Variants in PDZRN4 observed in about 807,000 individuals in gnomAD.
PDZRN4 encodes PDZ domain-containing RING finger protein 4.
Under a neutral mutation model 99.0 loss-of-function variants are expected in PDZRN4, and 70 were observed. The ratio of observed to expected loss-of-function variants is 0.71; its 90% CI spans 0.58 to 0.86. The LOEUF is 0.86. Among genes scored for constraint, PDZRN4 ranks in the 40% least tolerant of loss-of-function variants. The pLI is 0.00. For missense variants in PDZRN4, 1,474 were observed against 1,331.2 expected (o/e 1.11, Z -1.67); for synonymous variants, 551 against 501.6 (o/e 1.10, Z -1.32).
intron 3 of PDZRN4, among the ~76,000 whole-genome samples, chr12:41,410,244 G>A (rs12318761): frequency 0.035 from 5,379 of 152,112 alleles, 133 homozygotes; most frequent in African/African-American, 0.074. Context: ...GTCATGTCTC[G>A]CCTTCTTTAG....
chr12:41,335,931 A>G (rs1366688461), intron 3 of PDZRN4, among the ~76,000 whole-genome samples: 1 of 152,126 alleles, frequency 6.6e-6, no homozygotes, highest in African/African-American at 2.4e-5. Context: ...CTAAAATGAG[A>G]GTTTCTTTAA....
chr12:41,572,527 A>G lies in PDZRN4; in HGVS notation c.1748A>G (p.Lys583Arg). 1 of 1,614,112 alleles carries G rather than the reference A, an allele frequency of 6.2e-7. No homozygotes were observed. The highest frequency in any genetic ancestry group is 8.5e-7 in the Non-Finnish European group (1 of 1,180,020). The change falls in exon 10 of 10, where the codon AAG becomes AGG. Residue 583 changes from lysine (K) to arginine (R), a missense_variant. Coordinates refer to ENST00000402685, the MANE Select transcript of PDZRN4 (RefSeq NM_001164595.2). ...AAEDPNSTSL[K>R]SKRDLGQSQD... is the part of the protein sequence containing the mutation. The stretch of plus-strand genomic sequence containing the variant: ...GAGGACCCCAATAGCACATCTTTGA[A>G]GAGCAAGAGAGACCTGGGGCAGAGC...
intron 3 of PDZRN4, among the ~76,000 whole-genome samples, chr12:41,353,502 G>A (rs144570890): frequency 2.0e-5 from 3 of 152,086 alleles, no homozygotes; most frequent in Non-Finnish European, 4.4e-5. Flanking sequence ...TAGATGACTT[G>A]TCTGGGAACT....
intron 3 of PDZRN4, among the ~76,000 whole-genome samples, chr12:41,493,505 C>T (rs1318618492): frequency 6.6e-6 from 1 of 151,986 alleles, no homozygotes; most frequent in Non-Finnish European, 1.5e-5. Flanking sequence ...CACTTTTTTG[C>T]CCTGTCTTGT....
chr12:41,539,228 A>G (rs962919118), intron 5 of PDZRN4, among the ~76,000 whole-genome samples: 4 of 151,996 alleles, frequency 2.6e-5, no homozygotes, highest in Admixed American at 6.6e-5. Context: ...TTTAAAATGC[A>G]TATCTTCCTG....
intron 9 of PDZRN4, among the ~76,000 whole-genome samples, chr12:41,569,103 ATTC>A (rs1939430356): frequency 6.9e-6 from 1 of 145,262 alleles, no homozygotes; most frequent in Non-Finnish European, 1.5e-5. Flanking sequence ...TGCCCTGTCT[ATTC>A]TTATTATTAT....
chr12:41,232,054 T>C (rs181525653), intron 3 of PDZRN4, among the ~76,000 whole-genome samples: 1 of 151,380 alleles, frequency 6.6e-6, no homozygotes, highest in African/African-American at 2.4e-5. Flanking sequence ...TATAAAAAAA[T>C]TTTTTTTGAC....
In PDZRN4 at chr12:41,189,138, C is replaced by T. The variant is rs1244062369; in HGVS notation, c.648+35C>T. 7.7e-6 allele frequency: 12 copies of T among 1,557,748 alleles called. 1 individual carries two copies. The East Asian group carries it at 2.3e-4, about 30-fold the overall frequency. On this transcript the variant is annotated intron_variant, in intron 1 of 9. Transcript: ENST00000402685. Reference sequence around the variant, plus strand: ...GGGGGGTGGGCACCGCGGGCATGGTCGATTGGGGTGGGAAAAGGAGCGGTT... The same window carrying T: ...GGGGGGTGGGCACCGCGGGCATGGTTGATTGGGGTGGGAAAAGGAGCGGTT...
chr12:41,316,676 T>A (rs1951640488), intron 3 of PDZRN4, among the ~76,000 whole-genome samples: 4 of 152,082 alleles, frequency 2.6e-5, no homozygotes, highest in South Asian at 4.1e-4. Context: ...AGATCACTTA[T>A]AGTCTAGCTT....
intron 3 of PDZRN4, among the ~76,000 whole-genome samples, chr12:41,493,011 G>T (rs751982297): frequency 6.6e-6 from 1 of 152,092 alleles, no homozygotes; most frequent in Non-Finnish European, 1.5e-5. Flanking sequence ...ACAGCCAAAG[G>T]CTGCTTTGAT....
At chr12:41,400,142 A>G (rs1952279783) in intron 3 of PDZRN4, among the ~76,000 whole-genome samples, 1 of 152,172 alleles carries the variant, frequency 6.6e-6, no homozygotes, top group Non-Finnish European at 1.5e-5. Context: ...GCAATACACA[A>G]TACATCTCTT....
At chr12:41,342,666 C>T (rs1206298711) in intron 3 of PDZRN4, among the ~76,000 whole-genome samples, 1 of 151,808 alleles carries the variant, frequency 6.6e-6, no homozygotes, top group African/African-American at 2.4e-5. Context: ...GATATCACCT[C>T]AATCCTGTTA....
rs1488099392 is a variant in PDZRN4, at chr12:41,437,945, A to C, written c.844-68511A>C. On this transcript the variant is annotated intron_variant, in intron 3 of 9. Transcript: ENST00000402685. ...TTGCTCTCTCTCTCTGCTTCTTAGA[A>C]TGGGCTGCAATTTGTGCACTTTTCA... 7 of 1,613,854 alleles carry C rather than the reference A, an allele frequency of 4.3e-6. No individual in the cohort carries two copies. In the Admixed American group the frequency reaches 1.0e-4, roughly 23 times the overall value.
rs569675745 is a variant in PDZRN4, at chr12:41,284,903, C to T, written c.843+90715C>T. 1.3e-4 allele frequency among the ~76,000 whole-genome samples: 20 copies of T among 152,206 alleles called. No individual in the cohort carries two copies. The South Asian group carries it at 4.2e-3, about 32-fold the overall frequency. On this transcript the variant is annotated intron_variant, in intron 3 of 9. Coordinates refer to ENST00000402685, the MANE Select transcript of PDZRN4 (RefSeq NM_001164595.2). ...AACATAAGATCTAAAACCTTAAAAACCCTAGAAGAAAACCTAGGCAATACC... is the reference window on the plus strand; with the variant it reads ...AACATAAGATCTAAAACCTTAAAAATCCTAGAAGAAAACCTAGGCAATACC...
intron 3 of PDZRN4, among the ~76,000 whole-genome samples, chr12:41,383,969 A>ATTTTTTTTT: frequency 1.3e-5 from 1 of 75,012 alleles, no homozygotes; most frequent in African/African-American, 4.4e-5. Flanking sequence ...CACTATGGAG[A>ATTTTTTTTT]TTTTTTTTTT....
intron 3 of PDZRN4, among the ~76,000 whole-genome samples, chr12:41,221,171 C>T (rs1478954822): frequency 6.6e-6 from 1 of 152,164 alleles, no homozygotes; most frequent in Non-Finnish European, 1.5e-5. Context: ...CCCAGGAGAG[C>T]TCTTGGACTG....
chr12:41,221,027 A>G (rs2120724137), intron 3 of PDZRN4, among the ~76,000 whole-genome samples: 1 of 152,240 alleles, frequency 6.6e-6, no homozygotes, highest in South Asian at 2.1e-4. Context: ...AAGGAATACA[A>G]ATGGAAGTAA....
chr12:41,341,012 C>T (rs1008150384), intron 3 of PDZRN4, among the ~76,000 whole-genome samples: 8 of 151,862 alleles, frequency 5.3e-5, no homozygotes, highest in Non-Finnish European at 8.8e-5. Flanking sequence ...AGATAATTCA[C>T]TATCACCAAG....
Position 41,341,218 on chromosome 12 carries a change from A to G in PDZRN4, c.843+147030A>G, listed in dbSNP as rs371268273. ...GTATGGAGAATATGCATCTCAACAC[A>G]ATGAAGGCCATGTATGACAAACCTG... is the stretch of plus-strand genomic sequence containing the variant. On this transcript the variant is annotated intron_variant, in intron 3 of 9. Transcript: ENST00000402685. 8.6e-5 allele frequency among the ~76,000 whole-genome samples: 13 copies of G among 151,936 alleles called. No homozygotes were observed. The East Asian group carries it at 2.3e-3, about 27-fold the overall frequency.
Sources: allele counts gnomAD v4.1 joint callset (sites outside exome capture counted in the v4.1 genomes callset), GRCh38; gene constraint gnomAD v4.1.1; transcripts MANE v1.5; gene names NCBI Gene and HGNC (gene_info 2026-07-23, HGNC 2026-07-21).